Variants in PTPRS observed in about 807,000 individuals in gnomAD.
The protein encoded by PTPRS is receptor-type tyrosine-protein phosphatase S.
PTPRS carries 63 observed loss-of-function variants against 215.3 expected under a neutral mutation model. The ratio of observed to expected loss-of-function variants is 0.29; its 90% CI spans 0.24 to 0.36. The LOEUF (loss-of-function observed/expected upper bound fraction) is 0.36, where lower values mean the gene tolerates loss of function less well. Ranked by LOEUF, PTPRS falls within the 10% of genes least tolerant of loss-of-function variation. The pLI is 1.00. For missense variants in PTPRS, 2,258 were observed against 2,825.8 expected, an observed-to-expected ratio of 0.80 and a Z score of 4.56; for synonymous variants, 1,404 against 1,191.4, an observed-to-expected ratio of 1.18 and a Z score of -3.68.
intron 1 of PTPRS, among the ~76,000 whole-genome samples, chr19:5,321,078 A>G (rs537924519): frequency 1.2e-4 from 18 of 152,202 alleles, no homozygotes; most frequent in Admixed American, 1.1e-3. Context: ...CCTGGACAAC[A>G]TAACAAGACC....
chr19:5,254,759 G>T (rs1271488510), intron 9 of PTPRS, among the ~76,000 whole-genome samples: 1 of 152,202 alleles, frequency 6.6e-6, no homozygotes, highest in Non-Finnish European at 1.5e-5. Flanking sequence ...AGCCAGTGCT[G>T]CCTGGGAGGC....
intron 1 of PTPRS, among the ~76,000 whole-genome samples, chr19:5,315,705 T>G (rs913658951): frequency 2.0e-5 from 3 of 151,604 alleles, no homozygotes; most frequent in African/African-American, 7.3e-5. Flanking sequence ...TTGCCCCACC[T>G]GATCTGGAAC....
At chr19:5,313,181 T>C (rs1051494320) in intron 1 of PTPRS, among the ~76,000 whole-genome samples, 1 of 152,152 alleles carries the variant, frequency 6.6e-6, no homozygotes, top group African/African-American at 2.4e-5. Context: ...CCTCCCAAAG[T>C]GCTGGGATGA....
rs751931622 is a variant in PTPRS, at chr19:5,229,357, A to C, written c.2350-15T>G. 42 of 1,373,434 alleles carry C rather than the reference A, an allele frequency of 3.1e-5. No individual in the cohort carries two copies. Among genetic ancestry groups the C allele is most frequent in the Middle Eastern group, 2.0e-4 (1 of 5,066 alleles). The allele number at this position is 1,373,434 out of a possible 1,614,324, so 85.1% of individuals were successfully genotyped here. ...TCCGTCTCCCACTGAGCGCGGGAGG[A>C]GGCGGCAGGGGAGAGAGGAGGAAGG... On this transcript the variant is annotated splice_polypyrimidine_tract_variant and intron_variant, in intron 15 of 37. Coordinates refer to ENST00000262963, the MANE Select transcript of PTPRS (RefSeq NM_002850.4).
In PTPRS at chr19:5,338,890, C is replaced by G. The variant is rs1600163580; in HGVS notation, c.-95+1774G>C. 6.6e-6 allele frequency among the ~76,000 whole-genome samples: 1 copy of G among 152,196 alleles called. No individual in the cohort carries two copies. The highest frequency in any genetic ancestry group is 2.4e-5 in the African/African-American group (1 of 41,452). Reference sequence around the variant, plus strand: ...AAGGGCGCCCCAGACAAAGAGGCGCCGTCACCCTCTGCACCCCAAGGACAG... The same window carrying G: ...AAGGGCGCCCCAGACAAAGAGGCGCGGTCACCCTCTGCACCCCAAGGACAG... On this transcript the variant is annotated intron_variant, in intron 1 of 37. Coordinates refer to ENST00000262963, the MANE Select transcript of PTPRS (RefSeq NM_002850.4). The surrounding 1 kb of genome is among the most constrained non-coding windows in gnomAD (Gnocchi z 4.2).
rs1490021867 is a variant in PTPRS, at chr19:5,206,474, T to G, written c.*300A>C. On this transcript the variant is annotated 3_prime_UTR_variant, in exon 38 of 38. Coordinates refer to ENST00000262963, the MANE Select transcript of PTPRS (RefSeq NM_002850.4). ...ACCCTCCTCTGGTTCTGGGGAGCAC[T>G]CCTATTTGCTCACCATCCCCCCACC... 2.4e-6 allele frequency: 1 copy of G among 412,672 alleles called. No individual in the cohort carries two copies. The highest frequency in any genetic ancestry group is 4.5e-6 in the Non-Finnish European group (1 of 220,768). 25.6% of individuals were successfully genotyped at this position (412,672 alleles called of 1,614,324 possible). A position where few individuals can be genotyped will look rare whatever the true frequency, so the allele number is the denominator to read the frequency against.
chr19:5,211,541 G>A, intron 33 of PTPRS, 49 bp downstream of exon 33: 1 of 1,565,994 alleles, frequency 6.4e-7, no homozygotes. Context: ...CTTGAGAGTA[G>A]AGATGGGCTC....
At chr19:5,307,757 C>T (rs1600089913) in intron 1 of PTPRS, among the ~76,000 whole-genome samples, 1 of 152,340 alleles carries the variant, frequency 6.6e-6, no homozygotes, top group East Asian at 1.9e-4. Flanking sequence ...TCAATAGCCA[C>T]ATTCGGCTCA....
At chr19:5,279,505 G>C (rs933078171) in intron 2 of PTPRS, among the ~76,000 whole-genome samples, 8 of 151,576 alleles carry the variant, frequency 5.3e-5, no homozygotes, top group African/African-American at 1.9e-4. Flanking sequence ...CTGAGTAATT[G>C]GAACCACAGG....
chr19:5,273,564 C>T lies in PTPRS; in HGVS notation c.257G>A (p.Ser86Asn), dbSNP rs1382740948. The T allele has an allele frequency of 1.2e-6, 2 of 1,614,188 alleles. No individual in the cohort carries two copies. Among genetic ancestry groups the T allele is most frequent in the Non-Finnish European group, 1.7e-6 (2 of 1,180,030 alleles). ...CTGGATCCTCAGCACTGCCCCTGCA[C>T]TCTCATCAAACTCAATCGTCTGCCA... is the stretch of plus-strand genomic sequence containing the variant. ...QRFETIEFDESAGAVLRIQPL... is the reference protein window; with the variant it reads ...QRFETIEFDENAGAVLRIQPL... Residue 86 changes from serine (S) to asparagine (N), a missense_variant, in exon 4 of 38, where the codon AGT (serine) becomes AAT (asparagine). Ser to Asn is a conservative substitution (Grantham distance 46). Around this residue, in one of 6 missense-constraint regions of PTPRS, gnomAD observed 508 missense variants for 799.4 expected, o/e 0.64. Coordinates refer to ENST00000262963, the MANE Select transcript of PTPRS (RefSeq NM_002850.4).
chr19:5,236,974 G>A (rs1366648987), intron 13 of PTPRS, among the ~76,000 whole-genome samples: 1 of 152,140 alleles, frequency 6.6e-6, no homozygotes, highest in Non-Finnish European at 1.5e-5. Flanking sequence ...TGATGATGAT[G>A]AGAAAAACTT....
Position 5,231,443 on chromosome 19 carries a change from G to A in PTPRS, c.2022C>T (p.Ile674=), listed in dbSNP as rs759801187. ...GCAGGATCTGAGTGGTGGTCGGGGGGATGCCGTTCACCTCCTTGGGTTCCG... is the reference window on the plus strand; with the variant it reads ...GCAGGATCTGAGTGGTGGTCGGGGGAATGCCGTTCACCTCCTTGGGTTCCG... ...EDPEPKEVNG[I]PPTTTQILLE... Residue 674 remains isoleucine, a synonymous_variant, in exon 14 of 38, where the codon ATC becomes ATT. Coordinates refer to ENST00000262963, the MANE Select transcript of PTPRS (RefSeq NM_002850.4). 2 of 1,612,966 alleles carry A rather than the reference G, an allele frequency of 1.2e-6. No homozygotes were observed. The highest frequency in any genetic ancestry group is 1.7e-6 in the Non-Finnish European group (2 of 1,179,858).
chr19:5,231,180 T>C, intron 14 of PTPRS, 130 bp downstream of exon 14: 3 of 1,022,588 alleles, frequency 2.9e-6, no homozygotes, highest in Non-Finnish European at 4.1e-6. Flanking sequence ...GGGAGGCTGC[T>C]TGCTTCCCGA....
Position 5,257,546 on chromosome 19 carries a change from G to A in PTPRS, c.706+471C>T, listed in dbSNP as rs192467098. 1 of 442,502 alleles carries A rather than the reference G, an allele frequency of 2.3e-6. No individual in the cohort carries two copies. The highest frequency in any genetic ancestry group is 4.6e-6 in the Non-Finnish European group (1 of 219,694). 27.4% of individuals were successfully genotyped at this position (442,502 alleles called of 1,614,324 possible). Reference sequence around the variant, plus strand: ...TTCTAGATTGAGGGCCCTGGATTAGGGGGGGCAGTGAAGCGGGGAGCTACG... The same window carrying A: ...TTCTAGATTGAGGGCCCTGGATTAGAGGGGGCAGTGAAGCGGGGAGCTACG... On this transcript the variant is annotated intron_variant, in intron 8 of 37. Transcript: ENST00000262963. The surrounding 1 kb of genome is among the most constrained non-coding windows in gnomAD (Gnocchi z 4.4).
chr19:5,230,924 C>A (rs2042958484), intron 14 of PTPRS, among the ~76,000 whole-genome samples: 1 of 152,200 alleles, frequency 6.6e-6, no homozygotes, highest in Non-Finnish European at 1.5e-5. Context: ...TGGAAATTGG[C>A]CAATGCTACA....
Position 5,331,560 on chromosome 19 carries a change from A to G in PTPRS, c.-95+9104T>C, listed in dbSNP as rs148726662. 3.3e-3 allele frequency among the ~76,000 whole-genome samples: 507 copies of G among 151,670 alleles called. 4 individuals carry two copies. The highest frequency in any genetic ancestry group is 0.012 in the African/African-American group (488 of 41,318). On this transcript the variant is annotated intron_variant, in intron 1 of 37. Coordinates refer to ENST00000262963, the MANE Select transcript of PTPRS (RefSeq NM_002850.4). ...CTTCCACCTACTCCATACCAGCAGCACCCCCCTGGACATGACACCCAAAAA... is the reference window on the plus strand; with the variant it reads ...CTTCCACCTACTCCATACCAGCAGCGCCCCCCTGGACATGACACCCAAAAA...
chr19:5,301,312 T>G (rs2049296078), intron 1 of PTPRS, among the ~76,000 whole-genome samples: 1 of 145,932 alleles, frequency 6.9e-6, no homozygotes, highest in Non-Finnish European at 1.5e-5. Context: ...ATTAAAGTTG[T>G]TGCTGTTTTT....
At chr19:5,239,806 AAC>A (rs1260775336) in intron 12 of PTPRS, among the ~76,000 whole-genome samples, 1 of 152,122 alleles carries the variant, frequency 6.6e-6, no homozygotes, top group Non-Finnish European at 1.5e-5. Flanking sequence ...ACAGAAAAAA[AAC>A]ACACAGAAAA....
rs79622411 is a variant in PTPRS at position 5,338,702 on chromosome 19, A to C, written c.-95+1962T>G. ...GCGATTGGCAGGGGGAGGGGGGCACAAAGGAAGGGACCCTGGGAGGGGGAG... is the reference window on the plus strand; with the variant it reads ...GCGATTGGCAGGGGGAGGGGGGCACCAAGGAAGGGACCCTGGGAGGGGGAG... On this transcript the variant is annotated intron_variant, in intron 1 of 37. Coordinates refer to ENST00000262963, the MANE Select transcript of PTPRS (RefSeq NM_002850.4). The surrounding 1 kb of genome is among the most constrained non-coding windows in gnomAD (Gnocchi z 4.2). 0.012 allele frequency among the ~76,000 whole-genome samples: 1,885 copies of C among 152,016 alleles called. 49 individuals are homozygous for C. Among genetic ancestry groups the C allele is most frequent in the African/African-American group, 0.043 (1,786 of 41,442 alleles).
Sources: allele counts gnomAD v4.1 joint callset (sites outside exome capture counted in the v4.1 genomes callset), GRCh38; gene constraint gnomAD v4.1.1; regional missense constraint gnomAD v4.1.1; non-coding constraint Gnocchi (gnomAD v3.1); transcripts MANE v1.5; gene names NCBI Gene and HGNC (gene_info 2026-07-23, HGNC 2026-07-21).